Variants in GPR158 observed in about 807,000 individuals in gnomAD.
GPR158 encodes metabotropic glycine receptor.
In GPR158, 30 loss-of-function variants were observed where a neutral mutation model predicts 78.2. The observed-to-expected ratio is 0.38, with a 90% confidence interval of 0.29 to 0.52. GPR158 has a LOEUF of 0.52. GPR158 is among the 20% of genes least tolerant of loss of function. GPR158 has a pLI of 0.83. For synonymous variants in GPR158, 581 were observed against 591.1 expected (o/e 0.98, Z 0.25); for missense variants, 1,463 against 1,523.5 (o/e 0.96, Z 0.66).
At chr10:25,304,396 T>C (rs1466408155) in intron 2 of GPR158, among the ~76,000 whole-genome samples, 2 of 152,074 alleles carry the variant, frequency 1.3e-5, no homozygotes, top group Non-Finnish European at 2.9e-5. Context: ...ACCCCTTTTA[T>C]AACACAGTGT....
intron 4 of GPR158, among the ~76,000 whole-genome samples, chr10:25,461,337 A>C (rs1263440035): frequency 6.6e-6 from 1 of 152,222 alleles, no homozygotes; most frequent in Non-Finnish European, 1.5e-5. Flanking sequence ...CAGTGAACAC[A>C]TGTATGATAA....
At chr10:25,246,400 C>T (rs1359605790) in intron 2 of GPR158, among the ~76,000 whole-genome samples, 1 of 152,028 alleles carries the variant, frequency 6.6e-6, no homozygotes, top group Non-Finnish European at 1.5e-5. Context: ...CATGCTTTTC[C>T]CCCCTAAAAA....
At chr10:25,556,938 T>A (rs892376850) in intron 6 of GPR158, among the ~76,000 whole-genome samples, 1 of 152,260 alleles carries the variant, frequency 6.6e-6, no homozygotes, top group African/African-American at 2.4e-5. Context: ...TGACTTTCTC[T>A]TTTCCTGTTT....
intron 2 of GPR158, among the ~76,000 whole-genome samples, chr10:25,255,908 C>T (rs2130728288): frequency 6.6e-6 from 1 of 152,256 alleles, no homozygotes; most frequent in East Asian, 1.9e-4. Flanking sequence ...TGTCCATACT[C>T]AATGGGAGGG....
chr10:25,381,006 A>T (rs1243131202), intron 2 of GPR158, among the ~76,000 whole-genome samples: 1 of 152,232 alleles, frequency 6.6e-6, no homozygotes, highest in East Asian at 1.9e-4. Flanking sequence ...TGACACAGAG[A>T]TCAAATTTAT....
intron 2 of GPR158, among the ~76,000 whole-genome samples, chr10:25,376,372 C>G (rs1304287802): frequency 6.6e-6 from 1 of 151,416 alleles, no homozygotes; most frequent in African/African-American, 2.4e-5. Flanking sequence ...TTGTTTGATA[C>G]AGTTAATGAT....
At chr10:25,283,536 G>GGTTAATGTT (rs1854304829) in intron 2 of GPR158, among the ~76,000 whole-genome samples, 1 of 151,634 alleles carries the variant, frequency 6.6e-6, no homozygotes, top group Non-Finnish European at 1.5e-5. Flanking sequence ...GGCATAAATG[G>GGTTAATGTT]GTTAATGTTG....
At chr10:25,266,278 A>G (rs1854044250) in intron 2 of GPR158, among the ~76,000 whole-genome samples, 1 of 152,142 alleles carries the variant, frequency 6.6e-6, no homozygotes, top group South Asian at 2.1e-4. Flanking sequence ...ATTGTTTGTC[A>G]TTCACTTCAT....
At chr10:25,358,169 A>T (rs371008885) in intron 2 of GPR158, among the ~76,000 whole-genome samples, 3 of 151,962 alleles carry the variant, frequency 2.0e-5, no homozygotes, top group Admixed American at 1.3e-4. Flanking sequence ...CTGTACCCCC[A>T]TTGTATCAAG....
intron 5 of GPR158, among the ~76,000 whole-genome samples, chr10:25,473,034 A>G (rs559188101): frequency 6.6e-4 from 100 of 152,010 alleles, no homozygotes; most frequent in South Asian, 4.2e-3. Flanking sequence ...TCTTGTGCCA[A>G]TTTTCAAAGG....
At chr10:25,342,150 C>G (rs1002896037) in intron 2 of GPR158, among the ~76,000 whole-genome samples, 1 of 152,022 alleles carries the variant, frequency 6.6e-6, no homozygotes, top group African/African-American at 2.4e-5. Flanking sequence ...CTGAATTAAT[C>G]ACCAAGTTCT....
At chr10:25,419,347 A>G (rs964912000) in intron 4 of GPR158, among the ~76,000 whole-genome samples, 1 of 152,204 alleles carries the variant, frequency 6.6e-6, no homozygotes, top group Non-Finnish European at 1.5e-5. Context: ...TTGATGATGA[A>G]TAACATTTTA....
intron 1 of GPR158, among the ~76,000 whole-genome samples, chr10:25,194,812 G>T (rs1010564713): frequency 1.3e-5 from 2 of 151,772 alleles, no homozygotes; most frequent in Admixed American, 1.3e-4. Context: ...TTTTCTGTTG[G>T]TTATTTTGAT....
intron 1 of GPR158, among the ~76,000 whole-genome samples, chr10:25,216,589 TAG>T (rs1554785051): frequency 1.3e-5 from 2 of 152,096 alleles, no homozygotes. Flanking sequence ...AAAAAAGATA[TAG>T]ACCATGGAAA....
intron 7 of GPR158, among the ~76,000 whole-genome samples, chr10:25,576,275 A>G (rs1436523038): frequency 6.6e-6 from 1 of 152,036 alleles, no homozygotes; most frequent in Non-Finnish European, 1.5e-5. Flanking sequence ...CTCACCTCCC[A>G]CTTATAAATG....
chr10:25,311,491 G>A (rs1311731881), intron 2 of GPR158, among the ~76,000 whole-genome samples: 1 of 151,822 alleles, frequency 6.6e-6, no homozygotes, highest in African/African-American at 2.4e-5. Flanking sequence ...GTATATGAAA[G>A]CTATTGATTT....
intron 3 of GPR158, among the ~76,000 whole-genome samples, chr10:25,406,919 C>G (rs966256873): frequency 6.6e-6 from 1 of 152,066 alleles, no homozygotes; most frequent in Non-Finnish European, 1.5e-5. Context: ...TAGTCACTTG[C>G]AACATTTTAC....
rs1032423124 is a variant in GPR158 at position 25,255,391 on chromosome 10, A to T, written c.1008+34234A>T. Among the ~76,000 whole-genome samples, 20 of 152,156 alleles carry T rather than the reference A, an allele frequency of 1.3e-4. 1 individual carries two copies. Among genetic ancestry groups the T allele is most frequent in the Non-Finnish European group, 2.6e-4 (18 of 68,028 alleles). ...ACAAAGTTCATCATTCAAACAACAA[A>T]CATTTATTATATCACAGTTTTTGTA... On this transcript the variant is annotated intron_variant, in intron 2 of 10. Transcript: ENST00000376351.
chr10:25,247,686 G>A lies in GPR158; in HGVS notation c.1008+26529G>A, dbSNP rs1316780711. ...CTGCATAGTATTCCATGGTGTATAT[G>A]TGCCACATTTTCTTAATCCAGTCTA... On this transcript the variant is annotated intron_variant, in intron 2 of 10. Coordinates refer to ENST00000376351, the MANE Select transcript of GPR158 (RefSeq NM_020752.3). Among the ~76,000 whole-genome samples the A allele has an allele frequency of 1.6e-3, 243 of 151,172 alleles. 1 individual carries two copies. The highest frequency in any genetic ancestry group is 2.8e-3 in the Non-Finnish European group (188 of 67,820).
Sources: allele counts gnomAD v4.1 joint callset (sites outside exome capture counted in the v4.1 genomes callset), GRCh38; gene constraint gnomAD v4.1.1; transcripts MANE v1.5; gene names NCBI Gene and HGNC (gene_info 2026-07-23, HGNC 2026-07-21).